The following FKBP5 variants were observed in gnomAD, a reference collection of about 807,000 sequenced individuals.
The protein encoded by FKBP5 is peptidyl-prolyl cis-trans isomerase FKBP5.
A neutral mutation model predicts 50.5 loss-of-function variants in FKBP5; 23 were observed. The observed-to-expected ratio is 0.46, with a 90% CI of 0.33 to 0.65. The LOEUF is 0.65. Among genes scored for constraint, FKBP5 ranks in the 30% least tolerant of loss-of-function variants. The probability of loss-of-function intolerance (pLI) is 0.02; values close to 1 mark genes in which losing one functional copy is unlikely to be tolerated. For missense variants in FKBP5, 411 were observed against 553.1 expected, an observed-to-expected ratio of 0.74 and a Z score of 2.58; for synonymous variants, 176 against 190.6, an observed-to-expected ratio of 0.92 and a Z score of 0.63.
upstream of FKBP5, chr6:35,688,947 G>C (rs1471680886): frequency 6.6e-6 from 1 of 151,598 alleles, no homozygotes; most frequent in Non-Finnish European, 1.5e-5. Flanking sequence ...CGAATCCCCG[G>C]GGCAGCGCCC....
At chr6:35,590,006 T>G (rs1762762952) in intron 7 of FKBP5, among the ~76,000 whole-genome samples, 1 of 152,170 alleles carries the variant, frequency 6.6e-6, no homozygotes, top group Non-Finnish European at 1.5e-5. Flanking sequence ...TATATTAATG[T>G]GCTTAATGTG....
chr6:35,598,999 T>TAAATAAATAAATAAATAA (rs1554131621), intron 5 of FKBP5, among the ~76,000 whole-genome samples: 1 of 151,226 alleles, frequency 6.6e-6, no homozygotes, highest in African/African-American at 2.4e-5. Context: ...AATAAATAAA[T>TAAATAAATAAATAAATAA]AAAAATAAAA....
At chr6:35,638,353 T>TA (rs1417067384) in intron 2 of FKBP5, among the ~76,000 whole-genome samples, 1 of 152,228 alleles carries the variant, frequency 6.6e-6, no homozygotes, top group Non-Finnish European at 1.5e-5. Flanking sequence ...CCACCTAACA[T>TA]AAATATCACA....
intron 1 of FKBP5, among the ~76,000 whole-genome samples, chr6:35,643,744 G>C (rs770721301): frequency 2.0e-5 from 3 of 152,042 alleles, no homozygotes; most frequent in Non-Finnish European, 2.9e-5. Context: ...TACCAACCTT[G>C]ACCCTCTATT....
At chr6:35,725,576 C>T (rs1254540440) in intron 1 of FKBP5, among the ~76,000 whole-genome samples, 2 of 152,118 alleles carry the variant, frequency 1.3e-5, no homozygotes, top group Non-Finnish European at 2.9e-5. Context: ...CACCTTCCCA[C>T]CCCCAGCAAG....
intron 5 of FKBP5, 50 bp downstream of exon 5, chr6:35,619,046 A>G (rs1316815291): frequency 7.8e-7 from 1 of 1,286,252 alleles, no homozygotes; most frequent in South Asian, 1.2e-5. Flanking sequence ...TTTCGTCCAC[A>G]TAAATGGCCC....
chr6:35,719,072 A>T (rs1766561572), intron 2 of FKBP5, among the ~76,000 whole-genome samples: 1 of 152,136 alleles, frequency 6.6e-6, no homozygotes. Flanking sequence ...CTCTGCTCCA[A>T]GAAGTGTCCC....
chr6:35,611,001 T>C (rs975410817), intron 5 of FKBP5, among the ~76,000 whole-genome samples: 1 of 152,222 alleles, frequency 6.6e-6, no homozygotes, highest in Non-Finnish European at 1.5e-5. Context: ...TGATGATTGC[T>C]GCATAGCCTG....
At chr6:35,690,117 C>T (rs1765955653), upstream of FKBP5, among the ~76,000 whole-genome samples, 1 of 152,248 alleles carries the variant, frequency 6.6e-6, no homozygotes, top group South Asian at 2.1e-4. Context: ...TTGCACTATA[C>T]TGCATTCAAA....
intron 2 of FKBP5, among the ~76,000 whole-genome samples, chr6:35,707,092 G>T (rs1766329775): frequency 6.6e-6 from 1 of 152,100 alleles, no homozygotes; most frequent in South Asian, 2.1e-4. Flanking sequence ...AAGGGGATGG[G>T]ACTGGGAATC....
chr6:35,588,667 C>T (rs760764946), intron 7 of FKBP5, among the ~76,000 whole-genome samples: 5 of 151,910 alleles, frequency 3.3e-5, no homozygotes, highest in African/African-American at 7.3e-5. Flanking sequence ...GTGGCACGAT[C>T]GCGGCTCACT....
At chr6:35,714,309 G>T (rs1402951867) in intron 2 of FKBP5, among the ~76,000 whole-genome samples, 1 of 127,344 alleles carries the variant, frequency 7.9e-6, no homozygotes, top group Non-Finnish European at 1.7e-5. Context: ...AAAATTAGCC[G>T]GGCGTGGTGG....
chr6:35,689,434 A>G (rs151282749), upstream of FKBP5, among the ~76,000 whole-genome samples: 71 of 152,096 alleles, frequency 4.7e-4, no homozygotes, highest in Middle Eastern at 3.4e-3. Context: ...TCGAGAACCA[A>G]TTTAGCAGAT....
chr6:35,713,004 G>A (rs1581901380), intron 2 of FKBP5, among the ~76,000 whole-genome samples: 1 of 149,148 alleles, frequency 6.7e-6, no homozygotes, highest in East Asian at 2.0e-4. Flanking sequence ...TTGAGCCCTG[G>A]AGGTTAAGGC....
intron 1 of FKBP5, among the ~76,000 whole-genome samples, chr6:35,670,773 T>C (rs1765364614): frequency 6.6e-6 from 1 of 151,070 alleles, no homozygotes; most frequent in Non-Finnish European, 1.5e-5. Flanking sequence ...GAAAAACTCA[T>C]ATACTGCTAT....
At chr6:35,688,459 T>G (rs1765899123) in intron 1 of FKBP5, among the ~76,000 whole-genome samples, 2 of 151,650 alleles carry the variant, frequency 1.3e-5, no homozygotes, top group African/African-American at 4.8e-5. Flanking sequence ...AAAAGCCCAG[T>G]GAGGACGGGC....
At chr6:35,613,151 G>C (rs1465481076) in intron 5 of FKBP5, among the ~76,000 whole-genome samples, 1 of 152,090 alleles carries the variant, frequency 6.6e-6, no homozygotes, top group African/African-American at 2.4e-5. Context: ...TATTGTAATG[G>C]GTGATCAGTG....
At chr6:35,602,059 A>G (rs1339828638) in intron 5 of FKBP5, among the ~76,000 whole-genome samples, 1 of 152,086 alleles carries the variant, frequency 6.6e-6, no homozygotes, top group Admixed American at 6.5e-5. Context: ...ACTGCCCTAG[A>G]GCAATTTTGT....
intron 1 of FKBP5, among the ~76,000 whole-genome samples, chr6:35,644,026 T>C (rs781748088): frequency 1.3e-5 from 2 of 152,238 alleles, no homozygotes; most frequent in Non-Finnish European, 2.9e-5. Flanking sequence ...CTAAGATTTT[T>C]TCCTTACCTA....
Sources: allele counts gnomAD v4.1 joint callset (sites outside exome capture counted in the v4.1 genomes callset), GRCh38; gene constraint gnomAD v4.1.1; transcripts MANE v1.5; gene names NCBI Gene and HGNC (gene_info 2026-07-23, HGNC 2026-07-21).